Variants in UNC5C observed in about 807,000 individuals in gnomAD.
UNC5C encodes netrin receptor UNC5C.
UNC5C carries 47 observed loss-of-function variants against 99.8 expected under a neutral mutation model. The ratio of observed to expected loss-of-function variants is 0.47; its 90% CI spans 0.37 to 0.60. UNC5C has a LOEUF of 0.60. Ranked by LOEUF, UNC5C falls within the 20% of genes least tolerant of loss-of-function variation. The pLI is 0.00. For missense variants in UNC5C, 1,062 were observed against 1,165.9 expected (o/e 0.91, Z 1.30); for synonymous variants, 487 against 452.2 (o/e 1.08, Z -0.98).
intron 1 of UNC5C, among the ~76,000 whole-genome samples, chr4:95,534,272 G>A (rs1304550223): frequency 6.6e-6 from 1 of 152,136 alleles, no homozygotes; most frequent in East Asian, 1.9e-4. Flanking sequence ...TATTTAGTTA[G>A]TTAATGCGTC....
At chr4:95,460,563 A>G (rs1747571255) in intron 1 of UNC5C, among the ~76,000 whole-genome samples, 1 of 152,054 alleles carries the variant, frequency 6.6e-6, no homozygotes, top group African/African-American at 2.4e-5. Context: ...AACCCCTTTC[A>G]CTTGGCTCTC....
intron 1 of UNC5C, among the ~76,000 whole-genome samples, chr4:95,536,080 A>T (rs1049164220): frequency 0.11 from 7,143 of 63,570 alleles, 314 homozygotes; most frequent in East Asian, 0.31. Flanking sequence ...ATATATATAT[A>T]TATTTTTTTT....
At chr4:95,429,964 A>G (rs1460756622) in intron 1 of UNC5C, among the ~76,000 whole-genome samples, 1 of 152,076 alleles carries the variant, frequency 6.6e-6, no homozygotes, top group Non-Finnish European at 1.5e-5. Flanking sequence ...AGGCCAAACT[A>G]TGGAGACAGT....
chr4:95,348,908 A>T (rs551602551), intron 1 of UNC5C, among the ~76,000 whole-genome samples: 1 of 151,180 alleles, frequency 6.6e-6, no homozygotes, highest in Admixed American at 6.6e-5. Context: ...TGTGGGAGCT[A>T]AAAAGTAAAA....
chr4:95,188,924 G>A (rs932257090), intron 12 of UNC5C, among the ~76,000 whole-genome samples: 2 of 152,196 alleles, frequency 1.3e-5, no homozygotes, highest in African/African-American at 4.8e-5. Flanking sequence ...CCACAACACA[G>A]TGTGCTCAGG....
chr4:95,507,969 C>T lies in UNC5C; in HGVS notation c.124+40765G>A, dbSNP rs77014043. Among the ~76,000 whole-genome samples the T allele has an allele frequency of 3.6e-4, 54 of 152,040 alleles. No individual in the cohort carries two copies. The East Asian group carries it at 9.9e-3, about 28-fold the overall frequency. On this transcript the variant is annotated intron_variant, in intron 1 of 15. Transcript: ENST00000453304. ...TGTTACCTTCTTTGAATCTCTAAAC[C>T]TCACCCTTTTCTTTCCATTCCTCTT... is the stretch of plus-strand genomic sequence containing the variant.
chr4:95,263,594 G>T (rs1740325928), intron 4 of UNC5C, among the ~76,000 whole-genome samples: 1 of 152,182 alleles, frequency 6.6e-6, no homozygotes, highest in African/African-American at 2.4e-5. Flanking sequence ...AGCCCAGTGA[G>T]ATTTTGCCAA....
chr4:95,480,669 T>G (rs778720817), intron 1 of UNC5C, among the ~76,000 whole-genome samples: 15 of 152,044 alleles, frequency 9.9e-5, no homozygotes, highest in Non-Finnish European at 2.1e-4. Flanking sequence ...CATGATCAAG[T>G]GGGCTTCATC....
At chr4:95,284,541 C>A (rs17023443) in intron 3 of UNC5C, among the ~76,000 whole-genome samples, 2,599 of 152,190 alleles carry the variant, frequency 0.017, 29 homozygotes, top group Non-Finnish European at 0.025. Flanking sequence ...TTTCACAGAA[C>A]TTTTTGGACA....
intron 1 of UNC5C, among the ~76,000 whole-genome samples, chr4:95,509,282 A>G (rs1722003096): frequency 6.6e-6 from 1 of 151,716 alleles, no homozygotes. Context: ...GTTATATCTG[A>G]TGATAGTAAG....
At chr4:95,521,086 G>A (rs1439811314) in intron 1 of UNC5C, among the ~76,000 whole-genome samples, 1 of 151,970 alleles carries the variant, frequency 6.6e-6, no homozygotes, top group Non-Finnish European at 1.5e-5. Flanking sequence ...TCTGGAGACC[G>A]AGACCAGGAT....
At chr4:95,228,374 A>T (rs1481451211) in intron 7 of UNC5C, among the ~76,000 whole-genome samples, 1 of 152,242 alleles carries the variant, frequency 6.6e-6, no homozygotes, top group Non-Finnish European at 1.5e-5. Flanking sequence ...TCATATAAAT[A>T]ATTATCAAGC....
At chr4:95,321,054 T>C (rs1246595421) in intron 2 of UNC5C, among the ~76,000 whole-genome samples, 1 of 152,220 alleles carries the variant, frequency 6.6e-6, no homozygotes, top group African/African-American at 2.4e-5. Context: ...CACCTTTACT[T>C]TGCAATCATG....
intron 4 of UNC5C, among the ~76,000 whole-genome samples, chr4:95,272,468 G>A (rs1239427727): frequency 6.6e-6 from 1 of 152,196 alleles, no homozygotes; most frequent in Admixed American, 6.5e-5. Context: ...TTGGCTTACA[G>A]TGTTTCTGGG....
At chr4:95,230,139 T>A (rs1198693115) in intron 7 of UNC5C, among the ~76,000 whole-genome samples, 2 of 152,128 alleles carry the variant, frequency 1.3e-5, no homozygotes, top group Non-Finnish European at 2.9e-5. Flanking sequence ...TGATCACCAT[T>A]CTAACTGGTG....
intron 5 of UNC5C, among the ~76,000 whole-genome samples, chr4:95,247,208 A>T (rs948117501): frequency 2.0e-5 from 3 of 152,160 alleles, no homozygotes; most frequent in African/African-American, 7.2e-5. Flanking sequence ...TAAAAATTAC[A>T]TTAACAAAAA....
At chr4:95,442,620 A>T (rs757756792) in intron 1 of UNC5C, among the ~76,000 whole-genome samples, 52 of 152,040 alleles carry the variant, frequency 3.4e-4, no homozygotes, top group Non-Finnish European at 6.2e-4. Context: ...CACACTTATC[A>T]TTTTTAACAA....
chr4:95,370,808 C>T (rs1253363285), intron 1 of UNC5C, among the ~76,000 whole-genome samples: 2 of 152,024 alleles, frequency 1.3e-5, no homozygotes, highest in Non-Finnish European at 2.9e-5. Context: ...ACATGATTTC[C>T]AATGATTATA....
At chr4:95,411,983 G>GTT (rs113321414) in intron 1 of UNC5C, among the ~76,000 whole-genome samples, 8,028 of 138,010 alleles carry the variant, frequency 0.058, 375 homozygotes, top group African/African-American at 0.13. Context: ...GCTGTGGAAT[G>GTT]TTTTTTTTTT....
Sources: allele counts gnomAD v4.1 joint callset (sites outside exome capture counted in the v4.1 genomes callset), GRCh38; gene constraint gnomAD v4.1.1; transcripts MANE v1.5; gene names NCBI Gene and HGNC (gene_info 2026-07-23, HGNC 2026-07-21).